Variants in NR2C1 observed in about 807,000 individuals in gnomAD.
NR2C1 encodes the protein TR2 nuclear hormone receptor.
NR2C1 carries 33 observed loss-of-function variants against 74.8 expected under a neutral mutation model. The observed-to-expected ratio is 0.44, with a 90% CI of 0.33 to 0.59. NR2C1 has a LOEUF of 0.59. NR2C1 is among the 20% of genes least tolerant of loss of function. The probability of loss-of-function intolerance (pLI) is 0.02; values close to 1 mark genes in which losing one functional copy is unlikely to be tolerated. For synonymous variants in NR2C1, 225 were observed against 240.6 expected, an observed-to-expected ratio of 0.94 and a Z score of 0.60; for missense variants, 568 against 715.6, an observed-to-expected ratio of 0.79 and a Z score of 2.35.
intron 9 of NR2C1, among the ~76,000 whole-genome samples, chr12:95,042,729 G>A (rs934900477): frequency 6.6e-6 from 1 of 152,106 alleles, no homozygotes; most frequent in Non-Finnish European, 1.5e-5. Context: ...CTGTAAGTGA[G>A]AAGAAAATTT....
At chr12:95,043,790 C>T (rs1478819128) in intron 9 of NR2C1, among the ~76,000 whole-genome samples, 3 of 151,750 alleles carry the variant, frequency 2.0e-5, no homozygotes, top group African/African-American at 7.3e-5. Flanking sequence ...TTTTGCTTTA[C>T]ACAACAGTGG....
intron 3 of NR2C1, 49 bp downstream of exon 3, chr12:95,062,458 AT>A (rs759040096): frequency 1.4e-3 from 1,687 of 1,199,584 alleles, no homozygotes; most frequent in Non-Finnish European, 1.7e-3. Flanking sequence ...TATGATTAAA[AT>A]TTTTTTTTTA....
rs539226301 is a variant in NR2C1, at chr12:95,060,712, C to T, written c.286-728G>A. Among the ~76,000 whole-genome samples the T allele has an allele frequency of 2.6e-5, 4 of 152,304 alleles. No individual in the cohort carries two copies. In the South Asian group the frequency reaches 8.3e-4, roughly 32 times the overall value. ...AACTAGTTTCTTCCTTTAGGTTTAT[C>T]TTTCAACCTTTTCATCATTTTCTTT... On this transcript the variant is annotated intron_variant, in intron 3 of 13. Coordinates refer to ENST00000333003, the MANE Select transcript of NR2C1 (RefSeq NM_003297.4).
intron 10 of NR2C1, among the ~76,000 whole-genome samples, chr12:95,034,609 GC>G (rs1337805942): frequency 6.6e-6 from 1 of 152,176 alleles, no homozygotes; most frequent in Non-Finnish European, 1.5e-5. Flanking sequence ...GTACAGTCAT[GC>G]ATAGCACAAT....
chr12:95,029,558 CCTTT>C (rs753270469), intron 11 of NR2C1, among the ~76,000 whole-genome samples: 3 of 122,598 alleles, frequency 2.4e-5, no homozygotes, highest in Admixed American at 8.3e-5. Flanking sequence ...TGTAATGGTT[CCTTT>C]TTTTTTTTTT....
At chr12:95,045,320 G>A (rs1000071948) in intron 9 of NR2C1, among the ~76,000 whole-genome samples, 19 of 152,166 alleles carry the variant, frequency 1.2e-4, no homozygotes, top group African/African-American at 4.6e-4. Flanking sequence ...TCAAGTTATA[G>A]AGACCGGACT....
chr12:95,059,775 G>A (rs1874467949), intron 4 of NR2C1, 131 bp downstream of exon 4: 16 of 633,078 alleles, frequency 2.5e-5, no homozygotes, highest in African/African-American at 3.8e-5. Flanking sequence ...CCATAAAAAC[G>A]ACATACTCCT....
chr12:95,047,569 A>G (rs568153963), intron 9 of NR2C1, among the ~76,000 whole-genome samples: 3 of 152,324 alleles, frequency 2.0e-5, no homozygotes, highest in Admixed American at 6.5e-5. Flanking sequence ...ACTGGTATAC[A>G]TATTTATTTG....
At chr12:95,055,720 G>A (rs1404049335) in intron 7 of NR2C1, among the ~76,000 whole-genome samples, 2 of 152,160 alleles carry the variant, frequency 1.3e-5, no homozygotes, top group Non-Finnish European at 2.9e-5. Flanking sequence ...CTGGGAGGCT[G>A]AGGCAGGCGG....
intron 3 of NR2C1, among the ~76,000 whole-genome samples, chr12:95,060,278 T>C (rs1874592275): frequency 6.6e-6 from 1 of 152,224 alleles, no homozygotes; most frequent in Non-Finnish European, 1.5e-5. Flanking sequence ...ATGTGCTCGC[T>C]ATACAAAGGT....
rs1868776526 is a variant in NR2C1 at position 95,021,534 on chromosome 12, A to G, written c.*695T>C. 1 of 152,068 alleles carries G rather than the reference A, an allele frequency of 6.6e-6. No homozygotes were observed. Among genetic ancestry groups the G allele is most frequent in the African/African-American group, 2.4e-5 (1 of 41,446 alleles). 9.4% of individuals were successfully genotyped at this position (152,068 alleles called of 1,614,324 possible). On this transcript the variant is annotated 3_prime_UTR_variant, in exon 14 of 14. Coordinates refer to ENST00000333003, the MANE Select transcript of NR2C1 (RefSeq NM_003297.4). The stretch of plus-strand genomic sequence containing the variant: ...GTAAGCTAAAAATATTAAAATATCA[A>G]CACTAGCTTATTCTCAAAAACAATT...
intron 7 of NR2C1, among the ~76,000 whole-genome samples, chr12:95,052,216 CATG>C (rs1379416145): frequency 6.6e-6 from 1 of 150,864 alleles, no homozygotes; most frequent in East Asian, 1.9e-4. Context: ...AGTGCCGTGG[CATG>C]ATCTCAGCTC....
At position 95,020,877 on chromosome 12, in the gene NR2C1, T is replaced by G. The variant is rs1868709296; in HGVS notation, c.*1352A>C. 1 of 152,226 alleles carries G rather than the reference T, an allele frequency of 6.6e-6. No homozygotes were observed. The highest frequency in any genetic ancestry group is 2.1e-4 in the South Asian group (1 of 4,828). 9.4% of individuals were successfully genotyped at this position (152,226 alleles called of 1,614,324 possible). On this transcript the variant is annotated 3_prime_UTR_variant, in exon 14 of 14. Coordinates refer to ENST00000333003, the MANE Select transcript of NR2C1 (RefSeq NM_003297.4). Reference sequence around the variant, plus strand: ...CTTCAGGCTGATTCTTATACTGTTGTTAAAGCAGCCCTCCCGTGCTTTACA... The same window carrying G: ...CTTCAGGCTGATTCTTATACTGTTGGTAAAGCAGCCCTCCCGTGCTTTACA...
chr12:95,060,609 T>G (rs1874650592), intron 3 of NR2C1, among the ~76,000 whole-genome samples: 1 of 152,186 alleles, frequency 6.6e-6, no homozygotes, highest in African/African-American at 2.4e-5. Flanking sequence ...GAGCCGAGAC[T>G]GCACCACTGC....
chr12:95,058,722 C>T (rs748367480), intron 4 of NR2C1, among the ~76,000 whole-genome samples: 54 of 152,258 alleles, frequency 3.5e-4, no homozygotes, highest in African/African-American at 5.3e-4. Context: ...ACTGCAGTCT[C>T]GAACTACTGG....
chr12:95,062,986 T>C (rs1042370163), intron 2 of NR2C1: 7 of 529,654 alleles, frequency 1.3e-5, no homozygotes, highest in Non-Finnish European at 2.4e-5. Flanking sequence ...CCATGTTCCA[T>C]TTAGACAAAC....
At chr12:95,042,573 A>G (rs1234462791) in intron 9 of NR2C1, among the ~76,000 whole-genome samples, 1 of 152,140 alleles carries the variant, frequency 6.6e-6, no homozygotes, top group African/African-American at 2.4e-5. Flanking sequence ...TCTTCTATCT[A>G]AAAGGCTTGA....
chr12:95,031,339 T>G lies in NR2C1; in HGVS notation c.1393+10A>C, dbSNP rs745449429. The G allele has an allele frequency of 1.9e-6, 3 of 1,570,170 alleles. No homozygotes were observed. Among genetic ancestry groups the G allele is most frequent in the Non-Finnish European group, 2.6e-6 (3 of 1,162,662 alleles). ...TACAACCTGGAAAAGGTAAGGAAGG[T>G]GCTTTTTACCTTGTTGAAGACTATT... is the stretch of plus-strand genomic sequence containing the variant. On this transcript the variant is annotated intron_variant, in intron 11 of 13. Coordinates refer to ENST00000333003, the MANE Select transcript of NR2C1 (RefSeq NM_003297.4).
rs112698272 is a variant in NR2C1, at chr12:95,048,623, T to C, written c.1131+445A>G. On this transcript the variant is annotated intron_variant, in intron 9 of 13. Transcript: ENST00000333003. Reference sequence around the variant, plus strand: ...CATTTTGTTTCTATATGCAGATGAGTTTTTTTTTTTTTTTTTTTGAGACAG... The same window carrying C: ...CATTTTGTTTCTATATGCAGATGAGCTTTTTTTTTTTTTTTTTTGAGACAG... 1.0e-3 allele frequency among the ~76,000 whole-genome samples: 57 copies of C among 56,538 alleles called. 1 individual carries two copies. The highest frequency in any genetic ancestry group is 7.2e-3 in the Middle Eastern group (1 of 138). The allele number at this position is 56,538 out of a possible 152,430, so 37.1% of individuals were successfully genotyped here. A position where few individuals can be genotyped will look rare whatever the true frequency, so the allele number is the denominator to read the frequency against.
Sources: allele counts gnomAD v4.1 joint callset (sites outside exome capture counted in the v4.1 genomes callset), GRCh38; gene constraint gnomAD v4.1.1; transcripts MANE v1.5; gene names NCBI Gene and HGNC (gene_info 2026-07-23, HGNC 2026-07-21).